The following BAZ1A variants were observed in gnomAD, a reference collection of about 807,000 sequenced individuals.
BAZ1A encodes the protein bromodomain adjacent to zinc finger domain protein 1A.
BAZ1A carries 50 observed loss-of-function variants against 185.2 expected under a neutral mutation model. The ratio of observed to expected loss-of-function variants is 0.27; its 90% CI spans 0.22 to 0.34. The LOEUF (loss-of-function observed/expected upper bound fraction) is 0.34, where lower values mean the gene tolerates loss of function less well. BAZ1A is among the 10% of genes least tolerant of loss of function. The pLI, the probability that BAZ1A is intolerant of heterozygous loss-of-function variation, is 1.00. For missense variants in BAZ1A, 1,356 were observed against 1,839.9 expected (o/e 0.74, Z 4.81); for synonymous variants, 571 against 615.6 (o/e 0.93, Z 1.07).
chr14:34,783,157 T>C lies in BAZ1A; in HGVS notation c.2073A>G (p.Glu691=). The part of the protein sequence containing the change: ...KMKEKQEKLK[E]DEQRNSTADI... ...CTGCCGTTGAATTTCTTTGCTCATC[T>C]TCTTTCAGTTTTTCTTGTTTCTCTT... Residue 691 remains glutamate (E), a synonymous_variant, in exon 16 of 27, where the codon GAA becomes GAG. Coordinates refer to ENST00000360310, the MANE Select transcript of BAZ1A (RefSeq NM_013448.3). 1 of 1,607,460 alleles carries C rather than the reference T, an allele frequency of 6.2e-7. No individual in the cohort carries two copies. The highest frequency in any genetic ancestry group is 1.7e-5 in the Admixed American group (1 of 59,456).
chr14:34,769,292 T>A (rs1227298073), intron 21 of BAZ1A, among the ~76,000 whole-genome samples: 1 of 152,176 alleles, frequency 6.6e-6, no homozygotes, highest in Non-Finnish European at 1.5e-5. Flanking sequence ...AATAACTTTT[T>A]ATGGAGCAGC....
chr14:34,761,525 A>T (rs910539522), intron 24 of BAZ1A, among the ~76,000 whole-genome samples: 10 of 152,192 alleles, frequency 6.6e-5, no homozygotes, highest in Admixed American at 5.2e-4. Context: ...TAAAAACAGA[A>T]CGTCATTTGT....
At position 34,765,130 on chromosome 14, in the gene BAZ1A, A is replaced by G. The variant is rs1459936356; in HGVS notation, c.3440T>C (p.Leu1147Pro). 2 of 1,614,166 alleles carry G rather than the reference A, an allele frequency of 1.2e-6. No homozygotes were observed. The highest frequency in any genetic ancestry group is 2.2e-5 in the South Asian group (2 of 91,084). Residue 1147 changes from leucine (L) to proline (P), a missense_variant, in exon 22 of 27, where the codon CTG becomes CCG. Leu to Pro is a moderately conservative substitution (Grantham distance 98). Around this residue, in one of 7 missense-constraint regions of BAZ1A, gnomAD observed 11 missense variants for 34.6 expected, o/e 0.32. Coordinates refer to ENST00000360310, the MANE Select transcript of BAZ1A (RefSeq NM_013448.3). ...TCGACATATCTTGCAACGCGCATTC[A>G]GTATAGATTTAGACCATATCACGCT... ...DRSVIWSKSI[L>P]NARCKICRKK...
chr14:34,807,238 T>G (rs1042298795), intron 6 of BAZ1A, among the ~76,000 whole-genome samples: 1 of 151,672 alleles, frequency 6.6e-6, no homozygotes, highest in Non-Finnish European at 1.5e-5. Flanking sequence ...TGATCTTTTT[T>G]GTAAGTGGCA....
intron 20 of BAZ1A, 145 bp downstream of exon 20, chr14:34,773,427 G>T (rs6571688): frequency 0.7 from 471,790 of 674,900 alleles, 168,124 homozygotes; most frequent in East Asian, 0.96. Flanking sequence ...AAAATGATCA[G>T]TCCAATGGTT....
chr14:34,810,249 G>C (rs1031402096), intron 5 of BAZ1A, among the ~76,000 whole-genome samples: 19 of 152,140 alleles, frequency 1.2e-4, no homozygotes, highest in African/African-American at 4.6e-4. Flanking sequence ...AGATGACTAA[G>C]AGCCTAAACC....
In BAZ1A at chr14:34,775,302, CT is replaced by C. The variant is rs202141445; in HGVS notation, c.2833+616del. On this transcript the variant is annotated intron_variant, in intron 18 of 26. Coordinates refer to ENST00000360310, the MANE Select transcript of BAZ1A (RefSeq NM_013448.3). ...AACATGCCCCTAAATTTAAGCAATTCTTTTTAAAATTTTGATTTAATTTAAA... is the reference window on the plus strand; with the variant it reads ...AACATGCCCCTAAATTTAAGCAATTCTTTTAAAATTTTGATTTAATTTAAA... Among the ~76,000 whole-genome samples, 1,296 of 150,540 alleles carry C rather than the reference CT, an allele frequency of 8.6e-3. 4 individuals are homozygous for C. The highest frequency in any genetic ancestry group is 0.013 in the Non-Finnish European group (896 of 67,986).
chr14:34,820,659 G>A (rs1034862400), intron 4 of BAZ1A, among the ~76,000 whole-genome samples: 3 of 151,972 alleles, frequency 2.0e-5, no homozygotes, highest in African/African-American at 7.3e-5. Flanking sequence ...CCATATCCAA[G>A]GTCATCTAGC....
At position 34,836,144 on chromosome 14, in the gene BAZ1A, C is replaced by G. The variant is rs1382949128; in HGVS notation, c.393-9988G>C. On this transcript the variant is annotated intron_variant, in intron 3 of 26. Coordinates refer to ENST00000360310, the MANE Select transcript of BAZ1A (RefSeq NM_013448.3). ...CCTGTAATCCCAGCACTTTGGGAGGCCGAGGCGGGCGGATCACGAGGTCAG... is the reference window on the plus strand; with the variant it reads ...CCTGTAATCCCAGCACTTTGGGAGGGCGAGGCGGGCGGATCACGAGGTCAG... Among the ~76,000 whole-genome samples, 3 of 27,062 alleles carry G rather than the reference C, an allele frequency of 1.1e-4. 1 individual carries two copies. Among genetic ancestry groups the G allele is most frequent in the Non-Finnish European group, 3.0e-4 (3 of 10,088 alleles). The allele number at this position is 27,062 out of a possible 152,430, so 17.8% of individuals were successfully genotyped here. A position where few individuals can be genotyped will look rare whatever the true frequency, so the allele number is the denominator to read the frequency against.
chr14:34,848,998 G>A (rs900377863), intron 3 of BAZ1A, among the ~76,000 whole-genome samples: 2 of 152,100 alleles, frequency 1.3e-5, no homozygotes, highest in Non-Finnish European at 2.9e-5. Flanking sequence ...ATGTAAAACC[G>A]ATCAGAAACA....
intron 11 of BAZ1A, 100 bp downstream of exon 11, chr14:34,794,649 C>T: frequency 2.4e-6 from 3 of 1,234,670 alleles, no homozygotes; most frequent in Non-Finnish European, 3.4e-6. Flanking sequence ...GAGATCCCAA[C>T]TCCAGTGCCC....
chr14:34,856,756 G>A (rs879514081), intron 3 of BAZ1A, among the ~76,000 whole-genome samples: 4 of 151,234 alleles, frequency 2.6e-5, no homozygotes, highest in Non-Finnish European at 4.4e-5. Flanking sequence ...TACTCGGGAG[G>A]GTGAGGCAGG....
intron 2 of BAZ1A, among the ~76,000 whole-genome samples, chr14:34,872,941 A>AAAAACAAAAAAAAAAACAAC (rs1555346584): frequency 1.6e-5 from 2 of 122,620 alleles, no homozygotes; most frequent in Non-Finnish European, 3.3e-5. Context: ...AAAAAAAAAA[A>AAAAACAAAAAAAAAAACAAC]CTTGTCCAAT....
chr14:34,799,624 T>G (rs1226206752), intron 9 of BAZ1A, among the ~76,000 whole-genome samples: 1 of 152,150 alleles, frequency 6.6e-6, no homozygotes, highest in African/African-American at 2.4e-5. Context: ...TTCATTTTTT[T>G]TTTTTGAGAC....
rs368815964 is a variant in BAZ1A at position 34,784,367 on chromosome 14, CAAAA to C, written c.1832-444_1832-441del. On this transcript the variant is annotated intron_variant, in intron 14 of 26. Transcript: ENST00000360310. ...TGGGCAACTGAGTGAGACTCTGTCT[CAAAA>C]AAAAAAAAAAAAAAAAAAAAAAAAG... Among the ~76,000 whole-genome samples, 63 of 77,162 alleles carry C rather than the reference CAAAA, an allele frequency of 8.2e-4. 1 individual carries two copies. Among genetic ancestry groups the C allele is most frequent in the East Asian group, 5.3e-3 (12 of 2,248 alleles). 50.6% of individuals were successfully genotyped at this position (77,162 alleles called of 152,430 possible). A position where few individuals can be genotyped will look rare whatever the true frequency, so the allele number is the denominator to read the frequency against.
At chr14:34,803,090 A>G (rs1386237026) in intron 6 of BAZ1A, 102 bp from the exon 7 acceptor site, 21 of 1,275,360 alleles carry the variant, frequency 1.6e-5, no homozygotes, top group Non-Finnish European at 2.3e-5. Flanking sequence ...CTGTTAAAAG[A>G]TCAGGATAGG....
chr14:34,798,223 T>G (rs867459737), intron 9 of BAZ1A, among the ~76,000 whole-genome samples: 2 of 152,362 alleles, frequency 1.3e-5, no homozygotes, highest in East Asian at 3.9e-4. Flanking sequence ...CCACCGCAGC[T>G]CTGAAAGGCC....
rs140533332 is a variant in BAZ1A, at chr14:34,782,760, C to T, written c.2111+359G>A. 2.1e-3 allele frequency among the ~76,000 whole-genome samples: 315 copies of T among 152,266 alleles called. 2 individuals carry two copies. Among genetic ancestry groups the T allele is most frequent in the Non-Finnish European group, 2.5e-3 (169 of 68,004 alleles). On this transcript the variant is annotated intron_variant, in intron 16 of 26. Transcript: ENST00000360310. ...TCAAATTCCTACTTGTTTTCATAGA[C>T]AATCCTATCTCAAATATTCTAAAAT... is the stretch of plus-strand genomic sequence containing the variant.
intron 3 of BAZ1A, 129 bp downstream of exon 3, chr14:34,861,915 T>C: frequency 1.9e-6 from 2 of 1,055,198 alleles, no homozygotes; most frequent in East Asian, 2.4e-5. Flanking sequence ...ACCGGGGCTA[T>C]CTGTGGGTTA....
Sources: allele counts gnomAD v4.1 joint callset (sites outside exome capture counted in the v4.1 genomes callset), GRCh38; gene constraint gnomAD v4.1.1; regional missense constraint gnomAD v4.1.1; transcripts MANE v1.5; gene names NCBI Gene and HGNC (gene_info 2026-07-23, HGNC 2026-07-21).